The following CHRM3 variants were observed in gnomAD, a reference collection of about 807,000 sequenced individuals.
CHRM3 encodes cholinergic receptor muscarinic 3.
Under a neutral mutation model 41.8 loss-of-function variants are expected in CHRM3, and 11 were observed. The ratio of observed to expected loss-of-function variants is 0.26; its 90% CI spans 0.17 to 0.44. The LOEUF is 0.44. Among genes scored for constraint, CHRM3 ranks in the 20% least tolerant of loss-of-function variants. The pLI, the probability that CHRM3 is intolerant of heterozygous loss-of-function variation, is 1.00. For synonymous variants in CHRM3, 297 were observed against 301.4 expected, an observed-to-expected ratio of 0.99 and a Z score of 0.15; for missense variants, 571 against 745.4, an observed-to-expected ratio of 0.77 and a Z score of 2.72.
At chr1:239,571,703 T>G (rs1393837345) in intron 3 of CHRM3, among the ~76,000 whole-genome samples, 1 of 152,138 alleles carries the variant, frequency 6.6e-6, no homozygotes, top group African/African-American at 2.4e-5. Flanking sequence ...GTCATTACAC[T>G]CTCGTGTGCC....
At position 239,839,629 on chromosome 1, in the gene CHRM3, A is replaced by G. The variant is rs75452174; in HGVS notation, c.-20+12251A>G. 3.2e-3 allele frequency among the ~76,000 whole-genome samples: 489 copies of G among 152,356 alleles called. 3 individuals carry two copies. Among genetic ancestry groups the G allele is most frequent in the African/African-American group, 0.011 (466 of 41,584 alleles). On this transcript the variant is annotated intron_variant, in intron 6 of 6. Transcript: ENST00000676153. Reference sequence around the variant, plus strand: ...TCAGAATATGATGCTTAGGAGCAACAGTACCATTTATCTTCCTCGTGGTTT... The same window carrying G: ...TCAGAATATGATGCTTAGGAGCAACGGTACCATTTATCTTCCTCGTGGTTT...
intron 3 of CHRM3, among the ~76,000 whole-genome samples, chr1:239,623,519 C>CT (rs1393351271): frequency 9.9e-6 from 1 of 101,360 alleles, no homozygotes; most frequent in Non-Finnish European, 2.0e-5. Context: ...TTATTATACT[C>CT]TAAGTTTTAG....
chr1:239,469,371 C>T (rs1332307924), intron 1 of CHRM3, among the ~76,000 whole-genome samples: 1 of 152,174 alleles, frequency 6.6e-6, no homozygotes, highest in Non-Finnish European at 1.5e-5. Context: ...TCCCAAAGGT[C>T]TGTCTCTGAA....
At chr1:239,749,271 G>T (rs1665612735) in intron 5 of CHRM3, among the ~76,000 whole-genome samples, 1 of 152,152 alleles carries the variant, frequency 6.6e-6, no homozygotes, top group Non-Finnish European at 1.5e-5. Flanking sequence ...GACTGACTTT[G>T]TTCGGGCCAC....
intron 3 of CHRM3, among the ~76,000 whole-genome samples, chr1:239,560,044 ATGGC>A (rs1310144593): frequency 1.8e-4 from 28 of 152,240 alleles, no homozygotes; most frequent in African/African-American, 6.8e-4. Context: ...ATGATGAAGT[ATGGC>A]ATTTTGTGTG....
intron 5 of CHRM3, among the ~76,000 whole-genome samples, chr1:239,815,217 A>G (rs553877703): frequency 6.6e-6 from 1 of 152,338 alleles, no homozygotes; most frequent in South Asian, 2.1e-4. Flanking sequence ...ATTTATCAGT[A>G]AAATTGAAAG....
chr1:239,881,282 C>CAAAAAAAAAAA (rs71567253), intron 6 of CHRM3, among the ~76,000 whole-genome samples: 3 of 33,986 alleles, frequency 8.8e-5, no homozygotes, highest in Non-Finnish European at 1.5e-4. Context: ...GACTCCGTCT[C>CAAAAAAAAAAA]AAAAAAAAAA....
chr1:239,715,722 G>A (rs1662283661), intron 5 of CHRM3, among the ~76,000 whole-genome samples: 1 of 152,122 alleles, frequency 6.6e-6, no homozygotes. Context: ...CTTCTAATGA[G>A]TTGGGTGGCA....
At chr1:239,767,557 G>T (rs1005039423) in intron 5 of CHRM3, among the ~76,000 whole-genome samples, 1 of 151,966 alleles carries the variant, frequency 6.6e-6, no homozygotes, top group Non-Finnish European at 1.5e-5. Context: ...GAATCAATAT[G>T]GTTAACAAAT....
At chr1:239,866,530 A>C (rs1676124198) in intron 6 of CHRM3, among the ~76,000 whole-genome samples, 1 of 152,210 alleles carries the variant, frequency 6.6e-6, no homozygotes, top group Admixed American at 6.5e-5. Context: ...ACCTTTGTAA[A>C]CTAGGATTGT....
chr1:239,691,584 G>T (rs769989271), intron 5 of CHRM3, among the ~76,000 whole-genome samples: 1 of 152,078 alleles, frequency 6.6e-6, no homozygotes, highest in Non-Finnish European at 1.5e-5. Context: ...ATGAAGCTGT[G>T]GCCCTCACGC....
At chr1:239,791,065 C>A (rs1382039860) in intron 5 of CHRM3, among the ~76,000 whole-genome samples, 23 of 137,532 alleles carry the variant, frequency 1.7e-4, no homozygotes, top group African/African-American at 3.1e-4. Flanking sequence ...AAAAAAAAAA[C>A]ACACAAAACT....
chr1:239,432,245 G>C (rs1336951785), intron 1 of CHRM3, among the ~76,000 whole-genome samples: 1 of 152,144 alleles, frequency 6.6e-6, no homozygotes, highest in Non-Finnish European at 1.5e-5. Flanking sequence ...TGCCTACATA[G>C]TCATTTTATA....
chr1:239,495,337 T>C (rs971294315), intron 2 of CHRM3, among the ~76,000 whole-genome samples: 1 of 152,202 alleles, frequency 6.6e-6, no homozygotes, highest in African/African-American at 2.4e-5. Context: ...AAAAAGCCAA[T>C]GTCAAAAGAG....
At chr1:239,402,586 C>T (rs559182219) in intron 1 of CHRM3, among the ~76,000 whole-genome samples, 71 of 152,262 alleles carry the variant, frequency 4.7e-4, no homozygotes, top group African/African-American at 1.5e-3. Flanking sequence ...GATGTGACTC[C>T]ATTGTCCTTC....
chr1:239,707,218 C>T (rs1661281301), intron 5 of CHRM3: 1 of 152,138 alleles, frequency 6.6e-6, no homozygotes, highest in South Asian at 2.1e-4. Context: ...ATATGCCTTT[C>T]ATTATCCTGA....
intron 3 of CHRM3, among the ~76,000 whole-genome samples, chr1:239,572,966 G>T (rs1661970579): frequency 6.6e-6 from 1 of 152,098 alleles, no homozygotes; most frequent in Admixed American, 6.6e-5. Flanking sequence ...TTCTCTAAAT[G>T]TTCTCACCTC....
chr1:239,512,992 A>G (rs1205282297), intron 2 of CHRM3, among the ~76,000 whole-genome samples: 1 of 152,174 alleles, frequency 6.6e-6, no homozygotes, highest in East Asian at 1.9e-4. Context: ...ATATGTTCTC[A>G]TGCACTACTC....
intron 5 of CHRM3, among the ~76,000 whole-genome samples, chr1:239,696,459 G>A (rs1660200029): frequency 6.6e-6 from 1 of 152,022 alleles, no homozygotes; most frequent in Non-Finnish European, 1.5e-5. Flanking sequence ...TTACATGCTT[G>A]ATGACTTAGG....
Sources: allele counts gnomAD v4.1 joint callset (sites outside exome capture counted in the v4.1 genomes callset), GRCh38; gene constraint gnomAD v4.1.1; transcripts MANE v1.5; gene names NCBI Gene and HGNC (gene_info 2026-07-23, HGNC 2026-07-21).